The following OCLN variants were observed in gnomAD, a reference collection of about 807,000 sequenced individuals.
The protein encoded by OCLN is phosphatase 1, regulatory subunit 115.
A neutral mutation model predicts 47.9 loss-of-function variants in OCLN; 21 were observed. That is an observed-to-expected ratio of 0.44 (90% CI 0.31 to 0.63). The LOEUF is 0.63. Among genes scored for constraint, OCLN ranks in the 30% least tolerant of loss-of-function variants. The pLI is 0.08. For missense variants in OCLN, 360 were observed against 571.0 expected (o/e 0.63, Z 3.77); for synonymous variants, 117 against 198.4 (o/e 0.59, Z 3.45).
rs186947191 is a variant in OCLN, at chr5:69,549,721, C to T, written c.1425+1620C>T. On this transcript the variant is annotated intron_variant, in intron 7 of 8. Coordinates refer to ENST00000396442, the MANE Select transcript of OCLN (RefSeq NM_001205254.2). ...CCTTTTAGAGGGAGATTAATCTCTT[C>T]TTGTTTATTTGTTCCTTTATTGATC... is the stretch of plus-strand genomic sequence containing the variant. 4.3e-3 allele frequency among the ~76,000 whole-genome samples: 651 copies of T among 151,356 alleles called. 13 individuals are homozygous for T. The highest frequency in any genetic ancestry group is 0.024 in the Middle Eastern group (7 of 292).
chr5:69,517,691 G>A (rs1769014813), intron 4 of OCLN, among the ~76,000 whole-genome samples: 1 of 152,058 alleles, frequency 6.6e-6, no homozygotes, highest in Non-Finnish European at 1.5e-5. Flanking sequence ...TAATTAAGGA[G>A]CAAAAATGAA....
At chr5:69,524,309 C>T (rs1449239448) in intron 4 of OCLN, among the ~76,000 whole-genome samples, 2 of 152,234 alleles carry the variant, frequency 1.3e-5, no homozygotes, top group Non-Finnish European at 2.9e-5. Flanking sequence ...CAATACATTA[C>T]TAAGTTACAT....
chr5:69,501,124 C>T (rs1768447435), intron 1 of OCLN, among the ~76,000 whole-genome samples: 1 of 151,930 alleles, frequency 6.6e-6, no homozygotes. Context: ...GCCATGATGG[C>T]CAGGCTGGTC....
intron 4 of OCLN, among the ~76,000 whole-genome samples, chr5:69,533,249 G>A (rs961508534): frequency 4.5e-4 from 69 of 151,988 alleles, no homozygotes; most frequent in African/African-American, 1.6e-3. Flanking sequence ...AGGGGAAGAA[G>A]CTGAGGCAAA....
At chr5:69,504,848 G>T (rs1768553589) in intron 2 of OCLN, among the ~76,000 whole-genome samples, 2 of 152,160 alleles carry the variant, frequency 1.3e-5, no homozygotes, top group Non-Finnish European at 1.5e-5. Context: ...CCAGCTACTT[G>T]GGAGGCTGAG....
At chr5:69,502,189 C>T (rs2111950085) in intron 1 of OCLN, among the ~76,000 whole-genome samples, 1 of 146,986 alleles carries the variant, frequency 6.8e-6, no homozygotes, top group African/African-American at 2.5e-5. Context: ...CAGAGCGAGA[C>T]TCGGCTCAAA....
chr5:69,497,801 C>T (rs1191356447), intron 1 of OCLN, among the ~76,000 whole-genome samples: 2 of 152,110 alleles, frequency 1.3e-5, no homozygotes, highest in Non-Finnish European at 2.9e-5. Flanking sequence ...TAGATATGAG[C>T]ACTATTTCTG....
intron 3 of OCLN, among the ~76,000 whole-genome samples, chr5:69,512,052 G>C (rs1768805496): frequency 6.7e-6 from 1 of 150,294 alleles, no homozygotes; most frequent in Non-Finnish European, 1.5e-5. Flanking sequence ...AAAATTTTTA[G>C]TTTTGATGAT....
intron 3 of OCLN, among the ~76,000 whole-genome samples, chr5:69,512,023 C>CAAAAA (rs758425657): frequency 5.9e-5 from 2 of 33,896 alleles, no homozygotes; most frequent in Non-Finnish European, 1.2e-4. Flanking sequence ...AACTCTGTCT[C>CAAAAA]AAAAAAAAAA....
chr5:69,511,234 C>A (rs2111981397), intron 3 of OCLN, among the ~76,000 whole-genome samples: 1 of 132,652 alleles, frequency 7.5e-6, no homozygotes, highest in Non-Finnish European at 1.7e-5. Context: ...GCCACCACGC[C>A]CAGCTAATTT....
intron 4 of OCLN, among the ~76,000 whole-genome samples, chr5:69,521,127 G>A (rs1769127027): frequency 2.0e-5 from 3 of 152,118 alleles, no homozygotes; most frequent in African/African-American, 7.2e-5. Context: ...ATGAGCCACC[G>A]TGCCTAGCCA....
intron 1 of OCLN, among the ~76,000 whole-genome samples, chr5:69,495,097 G>T (rs1188347949): frequency 6.6e-6 from 1 of 152,130 alleles, no homozygotes; most frequent in Admixed American, 6.5e-5. Context: ...CCACATAAAT[G>T]ATCTGATGTA....
chr5:69,522,237 C>G (rs1306209027), intron 4 of OCLN, among the ~76,000 whole-genome samples: 1 of 152,150 alleles, frequency 6.6e-6, no homozygotes, highest in African/African-American at 2.4e-5. Context: ...AAATAATACC[C>G]TCCTGTAGTT....
rs1768211068 is a variant in OCLN, at chr5:69,493,738, C to CT, written c.-69+838_-69+839insT. 3.3e-5 allele frequency among the ~76,000 whole-genome samples: 5 copies of CT among 152,264 alleles called. No homozygotes were observed. Among genetic ancestry groups the CT allele is most frequent in the Admixed American group, 3.3e-4 (5 of 15,302 alleles). On this transcript the variant is annotated intron_variant, in intron 1 of 8. Coordinates refer to ENST00000396442, the MANE Select transcript of OCLN (RefSeq NM_001205254.2). This position sits in a 1 kb window ranked among gnomAD's most constrained non-coding sequence, Gnocchi z 5.3. Reference sequence around the variant, plus strand: ...CCGGGACCCGCGCCCAGCCGGGCCACGGAGTTTGGGGACCTCCGGGACTGG... The same window carrying CT: ...CCGGGACCCGCGCCCAGCCGGGCCACTGGAGTTTGGGGACCTCCGGGACTGG...
chr5:69,504,806 G>A (rs1315875305), intron 2 of OCLN, among the ~76,000 whole-genome samples: 7 of 152,002 alleles, frequency 4.6e-5, no homozygotes, highest in Non-Finnish European at 8.8e-5. Flanking sequence ...GTGGTGGCGC[G>A]CACCTCTAAT....
intron 1 of OCLN, among the ~76,000 whole-genome samples, chr5:69,494,291 G>A (rs2111915896): frequency 6.6e-6 from 1 of 152,218 alleles, no homozygotes. Flanking sequence ...GGGTTCAAGC[G>A]ATTCTCCTGC....
intron 4 of OCLN, among the ~76,000 whole-genome samples, chr5:69,515,306 T>C (rs1172243854): frequency 1.0e-4 from 9 of 89,408 alleles, no homozygotes; most frequent in South Asian, 4.2e-4. Flanking sequence ...CCTTCCCGGA[T>C]GGGGCGGCTG....
At chr5:69,528,084 G>A (rs2112041216) in intron 4 of OCLN, among the ~76,000 whole-genome samples, 1 of 152,306 alleles carries the variant, frequency 6.6e-6, no homozygotes, top group East Asian at 1.9e-4. Context: ...GGGACCGTCT[G>A]CCTTCAAGTG....
chr5:69,549,852 G>C (rs1453050780), intron 7 of OCLN, among the ~76,000 whole-genome samples: 8 of 151,032 alleles, frequency 5.3e-5, no homozygotes, highest in South Asian at 2.1e-4. Flanking sequence ...TCGCTTTGAC[G>C]GTTGGGAACT....
Sources: allele counts gnomAD v4.1 joint callset (sites outside exome capture counted in the v4.1 genomes callset), GRCh38; gene constraint gnomAD v4.1.1; non-coding constraint Gnocchi (gnomAD v3.1); transcripts MANE v1.5; gene names NCBI Gene and HGNC (gene_info 2026-07-23, HGNC 2026-07-21).